The following MTMR9 variants were observed in gnomAD, a reference collection of about 807,000 sequenced individuals.
MTMR9 encodes the protein myotubularin related protein 9.
MTMR9 carries 39 observed loss-of-function variants against 69.5 expected under a neutral mutation model. The ratio of observed to expected loss-of-function variants is 0.56; its 90% CI spans 0.43 to 0.73. The LOEUF (loss-of-function observed/expected upper bound fraction) is 0.73, where lower values mean the gene tolerates loss of function less well. Among genes scored for constraint, MTMR9 ranks in the 30% least tolerant of loss-of-function variants. The pLI is 0.00. For synonymous variants in MTMR9, 354 were observed against 240.8 expected, an observed-to-expected ratio of 1.47 and a Z score of -4.35; for missense variants, 900 against 671.2, an observed-to-expected ratio of 1.34 and a Z score of -3.77.
At chr8:11,292,193 G>A (rs1406547712) in intron 1 of MTMR9, among the ~76,000 whole-genome samples, 1 of 152,122 alleles carries the variant, frequency 6.6e-6, no homozygotes, top group African/African-American at 2.4e-5. Context: ...TGAGTACTAA[G>A]TGTCCATTTT....
At chr8:11,286,070 A>C (rs1351697630) in intron 1 of MTMR9, among the ~76,000 whole-genome samples, 1 of 145,052 alleles carries the variant, frequency 6.9e-6, no homozygotes, top group East Asian at 2.0e-4. Flanking sequence ...CTTCTGTCTC[A>C]GCCTCCCGAG....
At chr8:11,336,745 C>A in the MTMR9 span, among the ~76,000 whole-genome samples, 2 of 152,186 alleles carry the variant, frequency 1.3e-5, no homozygotes, top group African/African-American at 4.8e-5. Context: ...GCCAGTGATG[C>A]CAGCTAAACG....
chr8:11,317,423 A>G (rs892060483), intron 8 of MTMR9: 12 of 152,200 alleles, frequency 7.9e-5, no homozygotes, highest in Admixed American at 7.2e-4. Flanking sequence ...TCAGATCATC[A>G]GGCATTAGAT....
chr8:11,331,530 T>G, downstream of MTMR9: 1 of 1,613,416 alleles, frequency 6.2e-7, no homozygotes, highest in Non-Finnish European at 8.5e-7. Flanking sequence ...CACCGTATGC[T>G]CCGCTGTCCT....
intron 8 of MTMR9, 86 bp downstream of exon 8, chr8:11,316,979 A>T: frequency 1.4e-6 from 1 of 725,060 alleles, no homozygotes; most frequent in Non-Finnish European, 2.2e-6. Context: ...GGAGACGACG[A>T]TTTGGATCTA....
downstream of MTMR9, among the ~76,000 whole-genome samples, chr8:11,332,622 G>T (rs1460346283): frequency 6.6e-6 from 1 of 150,898 alleles, no homozygotes; most frequent in East Asian, 1.9e-4. Context: ...TTTTTTCTGA[G>T]ACAGAATCTT....
At chr8:11,297,907 C>A (rs957938805) in intron 2 of MTMR9, 1 of 456,290 alleles carries the variant, frequency 2.2e-6, no homozygotes, top group Non-Finnish European at 4.4e-6. Flanking sequence ...CAGAATCCCT[C>A]CTGCTAGCCC....
At chr8:11,294,176 C>T (rs758692601) in intron 1 of MTMR9, among the ~76,000 whole-genome samples, 1 of 152,182 alleles carries the variant, frequency 6.6e-6, no homozygotes. Context: ...ACACAATCGT[C>T]ATCTGCAAAT....
chr8:11,288,850 C>G (rs1020718437), intron 1 of MTMR9, among the ~76,000 whole-genome samples: 2 of 152,162 alleles, frequency 1.3e-5, no homozygotes, highest in African/African-American at 4.8e-5. Context: ...GCAGCAGGCC[C>G]AGCTTGGAGA....
At chr8:11,316,951 A>G in intron 8 of MTMR9, 58 bp downstream of exon 8, 9 of 1,188,122 alleles carry the variant, frequency 7.6e-6, no homozygotes, top group Non-Finnish European at 1.1e-5. Flanking sequence ...CTACTTCCTA[A>G]GTAGCCAGAA....
At chr8:11,286,169 G>C (rs1290669931) in intron 1 of MTMR9, among the ~76,000 whole-genome samples, 1 of 151,626 alleles carries the variant, frequency 6.6e-6, no homozygotes, top group African/African-American at 2.4e-5. Flanking sequence ...GACCAGGCTG[G>C]TCTTGAACTC....
At chr8:11,299,254 C>T (rs1485653732) in intron 2 of MTMR9, among the ~76,000 whole-genome samples, 9 of 152,094 alleles carry the variant, frequency 5.9e-5, no homozygotes, top group African/African-American at 1.7e-4. Flanking sequence ...CACTTGAACC[C>T]GGGAGGCGGA....
chr8:11,291,107 G>A (rs569244397), intron 1 of MTMR9, among the ~76,000 whole-genome samples: 1 of 151,948 alleles, frequency 6.6e-6, no homozygotes, highest in Non-Finnish European at 1.5e-5. Flanking sequence ...ATTGACATTG[G>A]TGCAGTACTA....
the MTMR9 span, among the ~76,000 whole-genome samples, chr8:11,334,864 A>G: frequency 1.3e-5 from 2 of 152,250 alleles, no homozygotes; most frequent in Non-Finnish European, 2.9e-5. Flanking sequence ...CAGTAAATGC[A>G]GAAAAAGCTT....
intron 3 of MTMR9, among the ~76,000 whole-genome samples, chr8:11,304,501 C>T (rs1799868040): frequency 6.6e-6 from 1 of 152,162 alleles, no homozygotes; most frequent in African/African-American, 2.4e-5. Context: ...GTCTTTCAAA[C>T]ATTTGATGGG....
the MTMR9 span, among the ~76,000 whole-genome samples, chr8:11,338,213 G>T: frequency 1.3e-5 from 2 of 152,196 alleles, no homozygotes; most frequent in Non-Finnish European, 2.9e-5. Flanking sequence ...GAACTTCCTC[G>T]GCAGAGTATT....
At chr8:11,336,289 G>A in the MTMR9 span, among the ~76,000 whole-genome samples, 1 of 152,138 alleles carries the variant, frequency 6.6e-6, no homozygotes, top group Non-Finnish European at 1.5e-5. Context: ...CCTACCACAT[G>A]ACTACTTTGT....
downstream of MTMR9, among the ~76,000 whole-genome samples, chr8:11,329,137 T>C (rs1801081543): frequency 6.6e-6 from 1 of 152,236 alleles, no homozygotes; most frequent in African/African-American, 2.4e-5. Flanking sequence ...GGTGTATATG[T>C]CTGTGTTAAT....
At chr8:11,304,768 C>T (rs1015051350) in intron 3 of MTMR9, 73 bp from the exon 4 acceptor site, 3 of 1,493,964 alleles carry the variant, frequency 2.0e-6, no homozygotes, top group Non-Finnish European at 2.7e-6. Flanking sequence ...CCTCTAAGGT[C>T]TTTTAAAATT....
Sources: allele counts gnomAD v4.1 joint callset (sites outside exome capture counted in the v4.1 genomes callset), GRCh38; gene constraint gnomAD v4.1.1; transcripts MANE v1.5; gene names NCBI Gene and HGNC (gene_info 2026-07-23, HGNC 2026-07-21).